MGRN1: variants seen among roughly 807,000 people sequenced by gnomAD.
MGRN1 encodes mahogunin ring finger 1.
A neutral mutation model predicts 69.2 loss-of-function variants in MGRN1; 29 were observed. The ratio of observed to expected loss-of-function variants is 0.42; its 90% CI spans 0.31 to 0.57. The LOEUF (loss-of-function observed/expected upper bound fraction) is 0.57. MGRN1 is among the 20% of genes least tolerant of loss of function. The probability of loss-of-function intolerance (pLI) is 0.15; values close to 1 mark genes in which losing one functional copy is unlikely to be tolerated. For synonymous variants in MGRN1, 470 were observed against 344.2 expected (o/e 1.37, Z -4.04); for missense variants, 998 against 796.2 (o/e 1.25, Z -3.05).
At chr16:4,665,011 C>T (rs3813746) in intron 6 of MGRN1, 91 bp from the exon 7 acceptor site, 675,670 of 1,464,926 alleles carry the variant, frequency 0.46, 159,953 homozygotes, top group East Asian at 0.64. Flanking sequence ...GCTGAGCCCT[C>T]GGTGCCGCAG....
intron 13 of MGRN1, among the ~76,000 whole-genome samples, chr16:4,682,151 C>T (rs1012789273): frequency 1.3e-5 from 2 of 152,216 alleles, no homozygotes; most frequent in Non-Finnish European, 2.9e-5. Flanking sequence ...GCCCACTCTG[C>T]CGGTGACCAG....
In MGRN1 at chr16:4,682,887, G is replaced by A; in HGVS notation, c.1423G>A (p.Asp475Asn). ...TGAGGAGAAGCTCTCCGAGGACGTG[G>A]ACGCCCCTCCCCCACTGGGTGGCGC... The part of the protein sequence containing the change: ...EDEEKLSEDV[D>N]APPPLGGAEL... Residue 475 changes from aspartate to asparagine, a missense_variant, in exon 14 of 17, where the codon GAC becomes AAC. Physicochemically the swap from Asp to Asn is conservative, Grantham distance 23 (BLOSUM62 1). Coordinates refer to ENST00000262370, the MANE Select transcript of MGRN1 (RefSeq NM_015246.4). The A allele has an allele frequency of 1.2e-6, 2 of 1,609,764 alleles. No individual in the cohort carries two copies. Among genetic ancestry groups the A allele is most frequent in the Non-Finnish European group, 1.7e-6 (2 of 1,177,074 alleles).
At chr16:4,648,045 C>T (rs191828224) in intron 1 of MGRN1, among the ~76,000 whole-genome samples, 97 of 152,264 alleles carry the variant, frequency 6.4e-4, no homozygotes, top group African/African-American at 2.2e-3. Flanking sequence ...TCAGAATTCC[C>T]GCTGAAGGCC....
At chr16:4,668,178 G>T in intron 7 of MGRN1, 87 bp from the exon 8 acceptor site, 1 of 1,093,882 alleles carries the variant, frequency 9.1e-7, no homozygotes, top group Non-Finnish European at 1.3e-6. Flanking sequence ...ATTGGCTGGG[G>T]CAGGGTGGCC....
At chr16:4,629,495 C>T (rs1897881057) in intron 1 of MGRN1, among the ~76,000 whole-genome samples, 4 of 152,074 alleles carry the variant, frequency 2.6e-5, no homozygotes, top group Non-Finnish European at 5.9e-5. Flanking sequence ...AATCCCAGCA[C>T]TTTGGGAGGC....
intron 11 of MGRN1, among the ~76,000 whole-genome samples, chr16:4,678,114 TG>T (rs1300090672): frequency 6.6e-6 from 1 of 152,214 alleles, no homozygotes; most frequent in Non-Finnish European, 1.5e-5. Flanking sequence ...CCCACAGTGC[TG>T]GGATTACAGG....
intron 1 of MGRN1, among the ~76,000 whole-genome samples, chr16:4,643,054 C>T (rs1199777571): frequency 6.6e-6 from 1 of 152,128 alleles, no homozygotes; most frequent in Non-Finnish European, 1.5e-5. Context: ...CTCCCAAGTT[C>T]AAGCGATTCT....
chr16:4,644,466 A>G (rs2078233417), intron 1 of MGRN1, among the ~76,000 whole-genome samples: 1 of 150,770 alleles, frequency 6.6e-6, no homozygotes, highest in African/African-American at 2.4e-5. Context: ...ACACACCACC[A>G]CGCCTGGGTA....
chr16:4,677,687 C>G (rs1596312463), intron 11 of MGRN1, 115 bp downstream of exon 11: 1 of 970,868 alleles, frequency 1.0e-6, no homozygotes, highest in Non-Finnish European at 1.5e-6. Flanking sequence ...GTCCAGTGGG[C>G]AGGCATGGCC....
Position 4,689,127 on chromosome 16 carries a change from G to A in MGRN1, c.*219G>A, listed in dbSNP as rs2141996355. 6.7e-6 allele frequency: 4 copies of A among 593,854 alleles called. No individual in the cohort carries two copies. Among genetic ancestry groups the A allele is most frequent in the Non-Finnish European group, 1.1e-5 (4 of 375,634 alleles). 36.8% of individuals were successfully genotyped at this position (593,854 alleles called of 1,614,324 possible). ...ATATTTGTAACTGGTACAAGATGAA[G>A]GACAGCAGCTTTCCATCCCTAGTTC... On this transcript the variant is annotated 3_prime_UTR_variant, in exon 17 of 17. Coordinates refer to ENST00000262370, the MANE Select transcript of MGRN1 (RefSeq NM_015246.4).
chr16:4,668,220 G>A (rs1415046750), intron 7 of MGRN1, 45 bp from the exon 8 acceptor site: 2 of 1,599,020 alleles, frequency 1.3e-6, no homozygotes, highest in South Asian at 1.1e-5. Context: ...GTGCTCAGAG[G>A]CGCCAGCTTG....
rs1555445266 is a variant in MGRN1 at position 4,629,150 on chromosome 16, A to ATATTTGTGTG, written c.88+4103_88+4104insATTTGTGTGT. Among the ~76,000 whole-genome samples, 959 of 127,680 alleles carry ATATTTGTGTG rather than the reference A, an allele frequency of 7.5e-3. 13 individuals carry two copies. Among genetic ancestry groups the ATATTTGTGTG allele is most frequent in the African/African-American group, 0.027 (873 of 32,734 alleles). 83.8% of individuals were successfully genotyped at this position (127,680 alleles called of 152,430 possible). Reference sequence around the variant, plus strand: ...TGCACCTGGCCTGCTTTCTGTTCGTATGTGTGTGTGTGTGTGTGTGTGTGT... The same window carrying ATATTTGTGTG: ...TGCACCTGGCCTGCTTTCTGTTCGTATATTTGTGTGTGTGTGTGTGTGTGTGTGTGTGTGT... On this transcript the variant is annotated intron_variant, in intron 1 of 16. Transcript: ENST00000262370.
chr16:4,671,749 G>GCTGCCCGGCTC (rs2078941775), intron 9 of MGRN1, among the ~76,000 whole-genome samples: 1 of 152,100 alleles, frequency 6.6e-6, no homozygotes, highest in East Asian at 1.9e-4. Flanking sequence ...GTGGCACCCT[G>GCTGCCCGGCTC]CTGCCCGGCT....
In MGRN1 at chr16:4,677,443, G is replaced by C; in HGVS notation, c.956-20G>C. The stretch of plus-strand genomic sequence containing the variant: ...TGGGTGTGTCGCCTGGGCCTGATCT[G>C]AGCCCTCCTTCTGCCGCAGCTTTCC... On this transcript the variant is annotated intron_variant, in intron 10 of 16. Coordinates refer to ENST00000262370, the MANE Select transcript of MGRN1 (RefSeq NM_015246.4). The C allele has an allele frequency of 6.5e-7, 1 of 1,534,648 alleles. No homozygotes were observed. The highest frequency in any genetic ancestry group is 8.7e-7 in the Non-Finnish European group (1 of 1,143,554).
chr16:4,686,832 C>T (rs2079331300), intron 16 of MGRN1: 1 of 986,610 alleles, frequency 1.0e-6, no homozygotes, highest in South Asian at 4.7e-5. Flanking sequence ...GTGTTCCGGT[C>T]GTGGCTTTAA....
chr16:4,656,961 G>C (rs2078558148), intron 4 of MGRN1, among the ~76,000 whole-genome samples: 1 of 152,086 alleles, frequency 6.6e-6, no homozygotes, highest in South Asian at 2.1e-4. Flanking sequence ...GAAAGGAAAA[G>C]CACAGCTACA....
At chr16:4,625,498 A>G (rs1276337388) in intron 1 of MGRN1, among the ~76,000 whole-genome samples, 1 of 152,132 alleles carries the variant, frequency 6.6e-6, no homozygotes, top group Non-Finnish European at 1.5e-5. Flanking sequence ...TGGTTTGGGC[A>G]ATTTCCCTCC....
chr16:4,683,067 G>A, intron 14 of MGRN1, 121 bp downstream of exon 14: 3 of 1,475,786 alleles, frequency 2.0e-6, no homozygotes, highest in South Asian at 1.3e-5. Context: ...GTTGGCTCTT[G>A]CTGAGCTGCG....
At chr16:4,674,337 G>A (rs112807676) in intron 10 of MGRN1, among the ~76,000 whole-genome samples, 3,933 of 151,996 alleles carry the variant, frequency 0.026, 187 homozygotes, top group African/African-American at 0.09. Flanking sequence ...CACCCAGGCT[G>A]GAGTGCAGTG....
Sources: gnomAD v4.1 joint callset for allele counts (sites outside exome capture counted in the v4.1 genomes callset) on GRCh38, gnomAD v4.1.1 for gene constraint, MANE v1.5 for transcripts, NCBI Gene and HGNC (gene_info 2026-07-23, HGNC 2026-07-21) for gene names.